COL11A1: variants seen among roughly 807,000 people sequenced by gnomAD.
The protein encoded by COL11A1 is collagen type XI alpha 1 chain.
A neutral mutation model predicts 265.2 loss-of-function variants in COL11A1; 74 were observed. The ratio of observed to expected loss-of-function variants is 0.28; its 90% confidence interval spans 0.23 to 0.34. COL11A1 has a LOEUF of 0.34. COL11A1 is among the 10% of genes least tolerant of loss of function. The pLI is 1.00. For synonymous variants in COL11A1, 816 were observed against 727.6 expected, an observed-to-expected ratio of 1.12 and a Z score of -1.96; for missense variants, 2,165 against 2,263.6, an observed-to-expected ratio of 0.96 and a Z score of 0.88.
chr1:103,041,728 G>A (rs1668824560), intron 4 of COL11A1, among the ~76,000 whole-genome samples: 1 of 151,864 alleles, frequency 6.6e-6, no homozygotes, highest in Non-Finnish European at 1.5e-5. Flanking sequence ...ATGTTTTGGT[G>A]TCAAATGTGA....
At chr1:103,062,839 A>G (rs939889159) in intron 4 of COL11A1, among the ~76,000 whole-genome samples, 10 of 151,986 alleles carry the variant, frequency 6.6e-5, no homozygotes, top group Non-Finnish European at 1.2e-4. Flanking sequence ...TTGTCTAGGT[A>G]AAAAATCCAA....
At chr1:103,053,025 C>T (rs930660384) in intron 4 of COL11A1, among the ~76,000 whole-genome samples, 1 of 152,070 alleles carries the variant, frequency 6.6e-6, no homozygotes, top group Non-Finnish European at 1.5e-5. Flanking sequence ...GGAAATAAAA[C>T]TAAGGTCATC....
At chr1:102,882,198 T>C (rs537092154) in intron 64 of COL11A1, among the ~76,000 whole-genome samples, 3 of 152,272 alleles carry the variant, frequency 2.0e-5, no homozygotes, top group South Asian at 4.1e-4. Context: ...TAAGGAGATA[T>C]ACTGTGTGAA....
intron 1 of COL11A1, among the ~76,000 whole-genome samples, chr1:103,083,372 A>G (rs2102327559): frequency 6.6e-6 from 1 of 152,190 alleles, no homozygotes; most frequent in East Asian, 1.9e-4. Context: ...AATATTTAAT[A>G]ATTCCAAGTA....
At chr1:103,048,181 C>G (rs938054068) in intron 4 of COL11A1, among the ~76,000 whole-genome samples, 1 of 152,164 alleles carries the variant, frequency 6.6e-6, no homozygotes, top group African/African-American at 2.4e-5. Flanking sequence ...AGGAATGGTA[C>G]CAGCTCCTCC....
intron 1 of COL11A1, among the ~76,000 whole-genome samples, chr1:103,101,584 C>A (rs11164671): frequency 0.055 from 8,411 of 151,848 alleles, 802 homozygotes; most frequent in African/African-American, 0.19. Flanking sequence ...CTCCTTTAAG[C>A]CCGGATGTCA....
chr1:103,073,948 A>G (rs1318621475), intron 4 of COL11A1, among the ~76,000 whole-genome samples: 1 of 152,068 alleles, frequency 6.6e-6, no homozygotes, highest in Non-Finnish European at 1.5e-5. Context: ...TTTAAAAACA[A>G]TCACAGAAAT....
At chr1:102,943,564 G>C (rs1381159474) in intron 42 of COL11A1, among the ~76,000 whole-genome samples, 1 of 151,708 alleles carries the variant, frequency 6.6e-6, no homozygotes, top group Non-Finnish European at 1.5e-5. Context: ...ATTAAGACTT[G>C]AGTCCAGGCT....
At chr1:102,895,824 T>C (rs898471686) in intron 57 of COL11A1, among the ~76,000 whole-genome samples, 4 of 150,424 alleles carry the variant, frequency 2.7e-5, no homozygotes, top group Non-Finnish European at 5.9e-5. Flanking sequence ...TCTATCATAG[T>C]ACTTAACATG....
intron 47 of COL11A1, 128 bp from the exon 48 acceptor site, chr1:102,921,699 G>C (rs1007258689): frequency 1.3e-6 from 1 of 748,936 alleles, no homozygotes; most frequent in African/African-American, 1.8e-5. Flanking sequence ...AAGCACATCA[G>C]GGTTATAAGT....
intron 37 of COL11A1, among the ~76,000 whole-genome samples, chr1:102,967,229 T>TTTTTTTA (rs1661493529): frequency 2.1e-5 from 1 of 48,538 alleles, no homozygotes; most frequent in African/African-American, 1.0e-4. Flanking sequence ...AATAAATTCT[T>TTTTTTTA]TTTTTTTTTT....
chr1:102,946,804 G>A, intron 42 of COL11A1, 45 bp downstream of exon 42: 1 of 1,433,556 alleles, frequency 7.0e-7, no homozygotes, highest in Non-Finnish European at 9.8e-7. Flanking sequence ...GTAATAACGT[G>A]TACAGGGTAG....
In COL11A1 at chr1:102,927,548, C is replaced by T. The variant is rs568037268; in HGVS notation, c.3601-4159G>A. ...TGGCTAACACGGTGAAACCCCGTCT[C>T]CGGAGAATGGCATGAACCTGGGAAG... On this transcript the variant is annotated intron_variant, in intron 46 of 66. Transcript: ENST00000370096. Among the ~76,000 whole-genome samples, 105 of 152,114 alleles carry T rather than the reference C, an allele frequency of 6.9e-4. 1 individual carries two copies. The highest frequency in any genetic ancestry group is 1.4e-3 in the Non-Finnish European group (95 of 67,976).
chr1:103,037,721 A>G (rs558045839), intron 4 of COL11A1, among the ~76,000 whole-genome samples: 1 of 152,210 alleles, frequency 6.6e-6, no homozygotes, highest in South Asian at 2.1e-4. Flanking sequence ...GCACAATTCC[A>G]CAAGGCTTTC....
At chr1:103,011,253 A>G (rs1019841773) in intron 14 of COL11A1, among the ~76,000 whole-genome samples, 2 of 152,180 alleles carry the variant, frequency 1.3e-5, no homozygotes, top group African/African-American at 2.4e-5. Context: ...TCATTAACAA[A>G]TAATTAAAAA....
chr1:102,965,503 C>A lies in COL11A1; in HGVS notation c.2900G>T (p.Gly967Val). The change falls in exon 38 of 67, where the codon GGA becomes GTA. Residue 967 changes from glycine to valine, a missense_variant. Physicochemically the swap from Gly to Val is moderately radical, Grantham distance 109. Transcript: ENST00000370096. ...QGKTGPPGPG[G>V]VVGPQGPTGE... is the part of the protein sequence containing the mutation. ...GGAACATACCTGTGGTCCAACCACT[C>A]CCCCTGGCCCAGGAGGGCCGGTCTT... The A allele has an allele frequency of 6.2e-7, 1 of 1,613,450 alleles. No individual in the cohort carries two copies. The highest frequency in any genetic ancestry group is 1.1e-5 in the South Asian group (1 of 91,014).
At chr1:102,931,717 T>C (rs1169258483) in intron 46 of COL11A1, among the ~76,000 whole-genome samples, 1 of 152,110 alleles carries the variant, frequency 6.6e-6, no homozygotes, top group Non-Finnish European at 1.5e-5. Flanking sequence ...ATTATTAATG[T>C]GTGGGAGTTA....
At chr1:102,988,437 CA>C (rs1410385607) in intron 29 of COL11A1, among the ~76,000 whole-genome samples, 1 of 152,140 alleles carries the variant, frequency 6.6e-6, no homozygotes, top group Admixed American at 6.6e-5. Context: ...AAAGAGTTTG[CA>C]ATTCCCCTGT....
At chr1:103,088,947 G>C (rs1482362352) in intron 1 of COL11A1, among the ~76,000 whole-genome samples, 5 of 152,088 alleles carry the variant, frequency 3.3e-5, no homozygotes, top group Admixed American at 3.3e-4. Flanking sequence ...CAAACTCCAA[G>C]AGCCATCTCC....
Sources: allele counts gnomAD v4.1 joint callset (sites outside exome capture counted in the v4.1 genomes callset), GRCh38; gene constraint gnomAD v4.1.1; transcripts MANE v1.5; gene names NCBI Gene and HGNC (gene_info 2026-07-23, HGNC 2026-07-21).